AMER3: variants seen among roughly 807,000 people sequenced by gnomAD.
AMER3 encodes family with sequence similarity 123C.
For synonymous variants in AMER3, 541 were observed against 485.5 expected, an observed-to-expected ratio of 1.11 and a Z score of -1.50; for missense variants, 1,201 against 1,139.4, an observed-to-expected ratio of 1.05 and a Z score of -0.78.
Position 130,764,026 on chromosome 2 carries a change from G to T in AMER3, c.1954G>T (p.Gly652Trp), listed in dbSNP as rs1183076216. ...GGAGCCTGGGCCACCAGGGGTCCTG[G>T]GGTGTTTCCGAGGCCCCTGGAGGCC... ...QKEPGPPGVL[G>W]CFRGPWRPGH... Residue 652 changes from glycine (G) to tryptophan (W), a missense_variant, in exon 2 of 2, where the codon GGG (glycine) becomes TGG (tryptophan). Gly to Trp is a radical substitution (Grantham distance 184, BLOSUM62 -2). Coordinates refer to ENST00000321420, the MANE Select transcript of AMER3 (RefSeq NM_152698.3). 1 of 1,613,022 alleles carries T rather than the reference G, an allele frequency of 6.2e-7. No individual in the cohort carries two copies. Among genetic ancestry groups the T allele is most frequent in the Non-Finnish European group, 8.5e-7 (1 of 1,179,756 alleles).
intron 1 of AMER3, among the ~76,000 whole-genome samples, chr2:130,758,871 G>A (rs1255117400): frequency 6.6e-6 from 1 of 152,222 alleles, no homozygotes; most frequent in Non-Finnish European, 1.5e-5. Flanking sequence ...CTGAGAACCT[G>A]GACACATTTG....
chr2:130,762,090 A>G lies in AMER3; in HGVS notation c.18A>G (p.Gly6=). The part of the protein sequence containing the change: MELKR[G]KTFIKSSLQV... ...CTGGCAGCATGGAGCTGAAGAGAGGAAAGACCTTCATCAAGTCCAGCCTGC... is the reference window on the plus strand; with the variant it reads ...CTGGCAGCATGGAGCTGAAGAGAGGGAAGACCTTCATCAAGTCCAGCCTGC... The change falls in exon 2 of 2, where the codon GGA becomes GGG. Residue 6 remains glycine, a synonymous_variant. Coordinates refer to ENST00000321420, the MANE Select transcript of AMER3 (RefSeq NM_152698.3). The G allele has an allele frequency of 6.2e-7, 1 of 1,611,088 alleles. No individual in the cohort carries two copies. Among genetic ancestry groups the G allele is most frequent in the South Asian group, 1.1e-5 (1 of 90,544 alleles).
chr2:130,755,819 C>G (rs1678584688), intron 1 of AMER3, 145 bp downstream of exon 1: 1 of 152,328 alleles, frequency 6.6e-6, no homozygotes, highest in Non-Finnish European at 1.5e-5. Context: ...AGACTCGTGA[C>G]GAGGCTCCGG....
At chr2:130,756,336 C>A (rs1678608433) in intron 1 of AMER3, 1 of 151,068 alleles carries the variant, frequency 6.6e-6, no homozygotes, top group South Asian at 2.1e-4. Context: ...GACGCGGTGC[C>A]CGAGCCTGTC....
chr2:130,758,408 G>A (rs1340273204), intron 1 of AMER3, among the ~76,000 whole-genome samples: 4 of 150,820 alleles, frequency 2.7e-5, no homozygotes, highest in Admixed American at 2.0e-4. Flanking sequence ...AGGAAGGAAG[G>A]AAGGAAGGAG....
chr2:130,764,572 T>C lies in AMER3; in HGVS notation c.2500T>C (p.Cys834Arg), dbSNP rs1375787152. Residue 834 changes from cysteine (C) to arginine (R), a missense_variant, in exon 2 of 2, where the codon TGC becomes CGC. Coordinates refer to ENST00000321420, the MANE Select transcript of AMER3 (RefSeq NM_152698.3). ...CTCTGCAAGTGCCCCAGAATGCCGC[T>C]GCAGCCTCCTGGCCCGTGAGGGCCT... is the stretch of plus-strand genomic sequence containing the variant. ...GVSASAPECR[C>R]SLLAREGLLC... 5 of 1,604,736 alleles carry C rather than the reference T, an allele frequency of 3.1e-6. No individual in the cohort carries two copies. Among genetic ancestry groups the C allele is most frequent in the Non-Finnish European group, 3.4e-6 (4 of 1,176,628 alleles).
At chr2:130,759,812 T>C (rs115533914) in intron 1 of AMER3, among the ~76,000 whole-genome samples, 5 of 152,364 alleles carry the variant, frequency 3.3e-5, no homozygotes, top group African/African-American at 1.2e-4. Context: ...GGTCAGTTCA[T>C]TGACTTTTCT....
At position 130,763,936 on chromosome 2, in the gene AMER3, T is replaced by A; in HGVS notation, c.1864T>A (p.Ser622Thr). The stretch of plus-strand genomic sequence containing the variant: ...CTCCTCTATGGAGTCTGCAGCCACT[T>A]CGACAACAGATACTTCCGGTAAAAA... ...LFSSMESAAT[S>T]TTDTSGKNKA... Residue 622 changes from serine (S) to threonine (T), a missense_variant, in exon 2 of 2, where the codon TCG becomes ACG. Physicochemically the swap from Ser to Thr is moderately conservative, Grantham distance 58. Transcript: ENST00000321420. 6.2e-7 allele frequency: 1 copy of A among 1,613,774 alleles called. No individual in the cohort carries two copies. The highest frequency in any genetic ancestry group is 8.5e-7 in the Non-Finnish European group (1 of 1,180,020).
intron 1 of AMER3, among the ~76,000 whole-genome samples, chr2:130,760,926 C>T (rs1490538777): frequency 7.2e-6 from 1 of 139,156 alleles, no homozygotes; most frequent in African/African-American, 2.7e-5. Flanking sequence ...GCCTTCAGAA[C>T]TCCCTGCCTG....
intron 1 of AMER3, among the ~76,000 whole-genome samples, chr2:130,758,438 G>A (rs756678116): frequency 4.9e-4 from 74 of 151,218 alleles, no homozygotes; most frequent in Middle Eastern, 3.4e-3. Context: ...AGGAGGGAGG[G>A]AAGGAAGGAA....
rs1208145393 is a variant in AMER3 at position 130,763,689 on chromosome 2, A to T, written c.1617A>T (p.Ala539=). The T allele has an allele frequency of 6.7e-7, 1 of 1,503,042 alleles. No homozygotes were observed. Among genetic ancestry groups the T allele is most frequent in the Admixed American group, 2.2e-5 (1 of 46,408 alleles). The allele number at this position is 1,503,042 out of a possible 1,614,324, so 93.1% of individuals were successfully genotyped here. Residue 539 remains alanine, a synonymous_variant, in exon 2 of 2, where the codon GCA becomes GCT. Coordinates refer to ENST00000321420, the MANE Select transcript of AMER3 (RefSeq NM_152698.3). Reference sequence around the variant, plus strand: ...CTGGTTCCCAGGGAGCCCCTAGGGCACCCACAGAGAAGCTGGGGGGCAGGG... The same window carrying T: ...CTGGTTCCCAGGGAGCCCCTAGGGCTCCCACAGAGAAGCTGGGGGGCAGGG... The part of the protein sequence containing the change: ...APPGSQGAPR[A]PTEKLGGREG...
At position 130,767,528 on chromosome 2, in the gene AMER3, C is replaced by T. The variant is rs1679017471; in HGVS notation, c.*2870C>T. ...TGCCTGACGCTTGGTCTCCGGTGGC[C>T]CTCTCTCACCAGGGCTCCCTGAGGC... On this transcript the variant is annotated 3_prime_UTR_variant, in exon 2 of 2. Coordinates refer to ENST00000321420, the MANE Select transcript of AMER3 (RefSeq NM_152698.3). The T allele has an allele frequency of 6.0e-6, 1 of 166,918 alleles. No homozygotes were observed. The highest frequency in any genetic ancestry group is 6.5e-5 in the Admixed American group (1 of 15,286). The allele number at this position is 166,918 out of a possible 1,614,324, so 10.3% of individuals were successfully genotyped here.
At position 130,766,760 on chromosome 2, in the gene AMER3, C is replaced by G. The variant is rs937248205; in HGVS notation, c.*2102C>G. On this transcript the variant is annotated 3_prime_UTR_variant, in exon 2 of 2. Transcript: ENST00000321420. ...CTAAAATGTCTCAAAATCTCAGCCT[C>G]CCACAGTGCTGGATGACAGGAGTGA... The G allele has an allele frequency of 2.4e-5, 4 of 166,264 alleles. No individual in the cohort carries two copies. The highest frequency in any genetic ancestry group is 9.7e-5 in the African/African-American group (4 of 41,450). 10.3% of individuals were successfully genotyped at this position (166,264 alleles called of 1,614,324 possible).
Position 130,763,910 on chromosome 2 carries a change from TCTC to T in AMER3, c.1842_1844del (p.Ser615del). The T allele has an allele frequency of 6.2e-7, 1 of 1,613,612 alleles. No individual in the cohort carries two copies. The highest frequency in any genetic ancestry group is 8.5e-7 in the Non-Finnish European group (1 of 1,180,000). On this transcript the variant is annotated inframe_deletion, in exon 2 of 2. Coordinates refer to ENST00000321420, the MANE Select transcript of AMER3 (RefSeq NM_152698.3). ...ACACGAGGTCACTCTGAAGGCTTGTTCTCCTCTATGGAGTCTGCAGCCACTTCG... is the reference window on the plus strand; with the variant it reads ...ACACGAGGTCACTCTGAAGGCTTGTTCTCTATGGAGTCTGCAGCCACTTCG...
chr2:130,756,604 G>C lies in AMER3; in HGVS notation c.-20+930G>C, dbSNP rs1419081821. ...GGCTAGGGAAGCGGAGAAACCCTCC[G>C]CCGGCGGATGCAGGAGCTGAGGGAG... On this transcript the variant is annotated intron_variant, in intron 1 of 1. Transcript: ENST00000321420. 3.9e-5 allele frequency among the ~76,000 whole-genome samples: 6 copies of C among 152,104 alleles called. No individual in the cohort carries two copies. The East Asian group carries it at 1.2e-3, about 30-fold the overall frequency.
rs768719549 is a variant in AMER3, at chr2:130,764,308, C to T, written c.2236C>T (p.Arg746Ter). ...YSASTQDQRC[R>*]DRVQDLSWLR... is the part of the protein sequence containing the mutation. ...AGCCAGCACACAGGACCAGAGGTGT[C>T]GAGATCGTGTCCAGGACCTGAGCTG... The change falls in exon 2 of 2, where the codon CGA becomes TGA. Residue 746 changes from arginine to a stop codon, truncating the protein, a stop_gained. Transcript: ENST00000321420. LOFTEE classifies it low-confidence loss of function (END_TRUNC). 2.4e-5 allele frequency: 39 copies of T among 1,607,444 alleles called. No individual in the cohort carries two copies. Among genetic ancestry groups the T allele is most frequent in the Non-Finnish European group, 3.1e-5 (36 of 1,175,836 alleles).
At position 130,763,396 on chromosome 2, in the gene AMER3, C is replaced by T. The variant is rs759155235; in HGVS notation, c.1324C>T (p.Leu442=). The change falls in exon 2 of 2, where the codon CTG becomes TTG. Residue 442 remains leucine, a synonymous_variant. Coordinates refer to ENST00000321420, the MANE Select transcript of AMER3 (RefSeq NM_152698.3). The part of the protein sequence containing the change: ...GPLGPSPDDD[L]CVSESLSGPA... Reference sequence around the variant, plus strand: ...TCTTGGCCCCAGCCCAGATGATGACCTGTGCGTGTCTGAGAGTCTGTCAGG... The same window carrying T: ...TCTTGGCCCCAGCCCAGATGATGACTTGTGCGTGTCTGAGAGTCTGTCAGG... 1.2e-6 allele frequency: 2 copies of T among 1,613,142 alleles called. No homozygotes were observed. Among genetic ancestry groups the T allele is most frequent in the South Asian group, 1.1e-5 (1 of 91,086 alleles).
At position 130,762,653 on chromosome 2, in the gene AMER3, G is replaced by A. The variant is rs1272748573; in HGVS notation, c.581G>A (p.Gly194Glu). 1.9e-6 allele frequency: 3 copies of A among 1,610,990 alleles called. No individual in the cohort carries two copies. The highest frequency in any genetic ancestry group is 1.7e-6 in the Non-Finnish European group (2 of 1,179,726). The change falls in exon 2 of 2, where the codon GGG becomes GAG. Residue 194 changes from glycine (G) to glutamate (E), a missense_variant. By Grantham distance (98) the Gly-to-Glu change is moderately conservative (BLOSUM62 -2). Transcript: ENST00000321420. ...LPSPGDPSDPGGRRSKAFLPP... is the reference protein window; with the variant it reads ...LPSPGDPSDPEGRRSKAFLPP... ...TCCCCAGGGGACCCGTCAGACCCTG[G>A]GGGGCGGCGAAGCAAAGCCTTCCTC... is the stretch of plus-strand genomic sequence containing the variant.
At chr2:130,757,960 G>A (rs1398906406) in intron 1 of AMER3, among the ~76,000 whole-genome samples, 5 of 152,058 alleles carry the variant, frequency 3.3e-5, no homozygotes, top group Non-Finnish European at 7.4e-5. Context: ...GTGAAACCCC[G>A]TCTCTACTAA....
Sources: allele counts gnomAD v4.1 joint callset (sites outside exome capture counted in the v4.1 genomes callset), GRCh38; gene constraint gnomAD v4.1.1; transcripts MANE v1.5; gene names NCBI Gene and HGNC (gene_info 2026-07-23, HGNC 2026-07-21).